The following UBR4 variants were observed in gnomAD, a reference collection of about 807,000 sequenced individuals.
UBR4 encodes the protein E3 ubiquitin-protein ligase UBR4.
A neutral mutation model predicts 575.6 loss-of-function variants in UBR4; 124 were observed. The observed-to-expected ratio is 0.22, with a 90% CI of 0.19 to 0.25. The LOEUF is 0.25. Ranked by LOEUF, UBR4 falls within the 10% of genes least tolerant of loss-of-function variation. The pLI, the probability that UBR4 is intolerant of heterozygous loss-of-function variation, is 1.00. For synonymous variants in UBR4, 2,455 were observed against 2,473.7 expected (o/e 0.99, Z 0.22); for missense variants, 4,818 against 6,478.8 (o/e 0.74, Z 8.80).
At chr1:19,145,476 AAAG>A (rs1473462639) in intron 53 of UBR4, among the ~76,000 whole-genome samples, 2 of 150,730 alleles carry the variant, frequency 1.3e-5, no homozygotes, top group Non-Finnish European at 3.0e-5. Flanking sequence ...CCAAGTTGTC[AAAG>A]ATTTTTAAAA....
intron 102 of UBR4, 41 bp downstream of exon 102, chr1:19,084,463 T>C: frequency 6.4e-7 from 1 of 1,558,432 alleles, no homozygotes; most frequent in Non-Finnish European, 8.8e-7. Flanking sequence ...GGATGCAGGG[T>C]GGGTCTGCGA....
At chr1:19,084,400 C>G (rs765069219) in intron 102 of UBR4, 104 bp downstream of exon 102, 32 of 1,263,448 alleles carry the variant, frequency 2.5e-5, no homozygotes, top group Non-Finnish European at 3.4e-5. Flanking sequence ...CAGACGCTTG[C>G]TCCGGAACTA....
chr1:19,078,756 A>C (rs1338259897), intron 103 of UBR4: 1 of 152,282 alleles, frequency 6.6e-6, no homozygotes, highest in African/African-American at 2.4e-5. Flanking sequence ...ATTAAAGACC[A>C]GCCAGTTCCT....
At chr1:19,148,649 T>C (rs566195530) in intron 49 of UBR4, 23 bp from the exon 50 acceptor site, 2 of 1,614,106 alleles carry the variant, frequency 1.2e-6, no homozygotes, top group East Asian at 4.5e-5. Context: ...AAAACCTGGC[T>C]TGAGTACAAC....
intron 88 of UBR4, 132 bp downstream of exon 88, chr1:19,101,388 C>A: frequency 7.8e-7 from 1 of 1,276,194 alleles, no homozygotes. Context: ...GGCGGTGGAT[C>A]TTCTTTCACT....
intron 17 of UBR4, among the ~76,000 whole-genome samples, chr1:19,181,221 G>A (rs1381610659): frequency 2.0e-5 from 3 of 151,908 alleles, no homozygotes; most frequent in African/African-American, 4.8e-5. Flanking sequence ...GAAGACGGAC[G>A]GATGGAAGGA....
Position 19,153,630 on chromosome 1 carries a change from A to C in UBR4, c.6631-128T>G. 2 of 1,465,392 alleles carry C rather than the reference A, an allele frequency of 1.4e-6. No individual in the cohort carries two copies. The highest frequency in any genetic ancestry group is 1.9e-6 in the Non-Finnish European group (2 of 1,078,338). 90.8% of individuals were successfully genotyped at this position (1,465,392 alleles called of 1,614,324 possible). ...GGGCTGTACAGAAGGGTGGCAAAGA[A>C]AAGGCATCTAGAAGAAAAAGGACTG... is the stretch of plus-strand genomic sequence containing the variant. On this transcript the variant is annotated intron_variant, in intron 45 of 105. Coordinates refer to ENST00000375254, the MANE Select transcript of UBR4 (RefSeq NM_020765.3). This position sits in a 1 kb window ranked among gnomAD's most constrained non-coding sequence, Gnocchi z 4.1.
chr1:19,092,789 AC>A, intron 97 of UBR4, 29 bp downstream of exon 97: 1 of 1,574,872 alleles, frequency 6.3e-7, no homozygotes, highest in South Asian at 1.1e-5. Flanking sequence ...GTACCCCTGT[AC>A]CCTCACACTA....
intron 69 of UBR4, 97 bp from the exon 70 acceptor site, chr1:19,119,798 T>TA (rs1284127533): frequency 6.8e-7 from 1 of 1,473,660 alleles, no homozygotes; most frequent in African/African-American, 1.4e-5. Flanking sequence ...TCCCCACAAT[T>TA]ATGGGTTAAG....
At chr1:19,167,271 C>T (rs1215501236) in intron 28 of UBR4, 40 bp from the exon 29 acceptor site, 1 of 1,607,332 alleles carries the variant, frequency 6.2e-7, no homozygotes, top group South Asian at 1.1e-5. Flanking sequence ...TGAATACACT[C>T]CTCCAAAAAG....
intron 30 of UBR4, 100 bp from the exon 31 acceptor site, chr1:19,165,449 C>A: frequency 2.6e-6 from 3 of 1,161,868 alleles, no homozygotes; most frequent in Non-Finnish European, 3.8e-6. Context: ...GGAAAATGAC[C>A]ACTTATGAGT....
At chr1:19,106,444 G>A in intron 83 of UBR4, 125 bp downstream of exon 83, 2 of 1,285,534 alleles carry the variant, frequency 1.6e-6, no homozygotes, top group East Asian at 2.6e-5. Flanking sequence ...TATTTGAAAG[G>A]AAGCAAGAAG....
intron 48 of UBR4, 25 bp from the exon 49 acceptor site, chr1:19,150,818 A>G: frequency 6.2e-7 from 1 of 1,610,830 alleles, no homozygotes; most frequent in South Asian, 1.1e-5. Flanking sequence ...AGAGGCCTTT[A>G]GGAAGCACAT....
chr1:19,080,968 A>C, intron 103 of UBR4: 1 of 178,418 alleles, frequency 5.6e-6, no homozygotes, highest in African/African-American at 2.4e-5. Context: ...AATTATTAGA[A>C]AATACCCCAT....
intron 14 of UBR4, among the ~76,000 whole-genome samples, chr1:19,185,909 C>T (rs2091484815): frequency 6.6e-6 from 1 of 152,176 alleles, no homozygotes; most frequent in Non-Finnish European, 1.5e-5. Flanking sequence ...AGAAAAACAA[C>T]TTCACATTAT....
chr1:19,193,329 G>A, intron 9 of UBR4, 104 bp downstream of exon 9: 1 of 1,487,976 alleles, frequency 6.7e-7, no homozygotes, highest in South Asian at 1.3e-5. Flanking sequence ...AAGTAGTGTG[G>A]AGAATACTCT....
chr1:19,086,801 A>T lies in UBR4; in HGVS notation c.14565T>A (p.Ile4855=). 6.2e-7 allele frequency: 1 copy of T among 1,614,206 alleles called. No individual in the cohort carries two copies. Among genetic ancestry groups the T allele is most frequent in the Middle Eastern group, 1.6e-4 (1 of 6,062 alleles). ...AGGCTACCCGCTTCGTGAAGGTATA[A>T]ATGCCCAGGACCTTTGTGGGCTGCA... ...YKFQPTKVLG[I]YTFTKRVALE... is the part of the protein sequence containing the mutation. Residue 4855 remains isoleucine, a synonymous_variant, in exon 100 of 106, where the codon ATT becomes ATA. Transcript: ENST00000375254.
In UBR4 at chr1:19,084,384, T is replaced by C. The variant is rs2076808243; in HGVS notation, c.15008+120A>G. ...TCCCCACCTCGGCAAAAAGGCTGCC[T>C]TAGGCCAGACGCTTGCTCCGGAACT... On this transcript the variant is annotated intron_variant, in intron 102 of 105. Coordinates refer to ENST00000375254, the MANE Select transcript of UBR4 (RefSeq NM_020765.3). 4.6e-6 allele frequency: 5 copies of C among 1,096,922 alleles called. No individual in the cohort carries two copies. In the East Asian group the frequency reaches 1.3e-4, roughly 29 times the overall value. The allele number at this position is 1,096,922 out of a possible 1,614,324, so 67.9% of individuals were successfully genotyped here.
At chr1:19,111,332 C>T (rs1174370094) in intron 78 of UBR4, among the ~76,000 whole-genome samples, 1 of 152,236 alleles carries the variant, frequency 6.6e-6, no homozygotes, top group African/African-American at 2.4e-5. Flanking sequence ...AAAGTCCTTA[C>T]AGAGGCCCAC....
Sources: gnomAD v4.1 joint callset for allele counts (sites outside exome capture counted in the v4.1 genomes callset) on GRCh38, gnomAD v4.1.1 for gene constraint, Gnocchi (gnomAD v3.1) non-coding constraint, MANE v1.5 for transcripts, NCBI Gene and HGNC (gene_info 2026-07-23, HGNC 2026-07-21) for gene names.